Variants in SNX13 observed in about 807,000 individuals in gnomAD.
SNX13 encodes sorting nexin-13.
A neutral mutation model predicts 133.6 loss-of-function variants in SNX13; 45 were observed. That is an observed-to-expected ratio of 0.34 (90% CI 0.27 to 0.43). The LOEUF (loss-of-function observed/expected upper bound fraction) is 0.43, where lower values mean the gene tolerates loss of function less well. SNX13 is among the 20% of genes least tolerant of loss of function. SNX13 has a pLI of 1.00. For synonymous variants in SNX13, 414 were observed against 373.9 expected (o/e 1.11, Z -1.24); for missense variants, 1,032 against 1,145.1 (o/e 0.90, Z 1.43).
At chr7:17,870,573 A>T (rs2128348477) in intron 8 of SNX13, among the ~76,000 whole-genome samples, 1 of 152,310 alleles carries the variant, frequency 6.6e-6, no homozygotes, top group Non-Finnish European at 1.5e-5. Context: ...AACAAGGCAG[A>T]TTTTCATTCA....
At chr7:17,805,250 TGC>T (rs1554304275) in intron 20 of SNX13, among the ~76,000 whole-genome samples, 3,304 of 95,504 alleles carry the variant, frequency 0.035, 81 homozygotes, top group African/African-American at 0.053. Context: ...TGTGTGTGTG[TGC>T]GTGCGCGCGC....
At chr7:17,871,889 G>A (rs527690949) in intron 8 of SNX13, among the ~76,000 whole-genome samples, 28 of 152,196 alleles carry the variant, frequency 1.8e-4, no homozygotes, top group Non-Finnish European at 2.9e-4. Flanking sequence ...CACTACATGC[G>A]AACCTATAAG....
chr7:17,804,431 G>C (rs1784960908), intron 20 of SNX13, among the ~76,000 whole-genome samples: 1 of 152,004 alleles, frequency 6.6e-6, no homozygotes, highest in South Asian at 2.1e-4. Flanking sequence ...GAAGAAATTT[G>C]AAGTTCATTA....
In SNX13 at chr7:17,814,449, T is replaced by C. The variant is rs187399842; in HGVS notation, c.2064+385A>G. ...TTTAAAATATTTTATATAATAATGA[T>C]TTTATTCAAAAGGCATACTTTCAGA... On this transcript the variant is annotated intron_variant, in intron 20 of 25. Transcript: ENST00000428135. 1.6e-4 allele frequency among the ~76,000 whole-genome samples: 24 copies of C among 152,178 alleles called. No individual in the cohort carries two copies. In the East Asian group the frequency reaches 4.6e-3, roughly 29 times the overall value.
chr7:17,807,000 G>T (rs1443693584), intron 20 of SNX13, among the ~76,000 whole-genome samples: 1 of 152,168 alleles, frequency 6.6e-6, no homozygotes, highest in African/African-American at 2.4e-5. Flanking sequence ...GCCACCACGG[G>T]CCTGGGTTTC....
At chr7:17,799,218 G>A in intron 22 of SNX13, 64 bp from the exon 23 acceptor site, 1 of 1,359,506 alleles carries the variant, frequency 7.4e-7, no homozygotes, top group East Asian at 2.5e-5. Flanking sequence ...TGTTACTTTT[G>A]TTGCTTTTAC....
chr7:17,840,768 A>G (rs1209340911), intron 12 of SNX13, among the ~76,000 whole-genome samples: 2 of 152,118 alleles, frequency 1.3e-5, no homozygotes, highest in East Asian at 3.8e-4. Context: ...ATTCAATAAT[A>G]TTTAAAATTC....
intron 1 of SNX13, among the ~76,000 whole-genome samples, chr7:17,930,082 AAAGAATAAAGAATAAGAAT>A (rs1162260022): frequency 3.0e-5 from 1 of 33,134 alleles, no homozygotes; most frequent in East Asian, 4.7e-4. Flanking sequence ...AGAATAAGAA[AAAGAATAAAGAATAAGAAT>A]AAGAATAAAG....
chr7:17,817,835 C>G (rs1463336633), intron 18 of SNX13, among the ~76,000 whole-genome samples: 6 of 152,264 alleles, frequency 3.9e-5, no homozygotes, highest in African/African-American at 1.2e-4. Flanking sequence ...ACTACTGACT[C>G]AATTTTAGAA....
At chr7:17,929,338 T>C (rs915923801) in intron 1 of SNX13, among the ~76,000 whole-genome samples, 9 of 152,104 alleles carry the variant, frequency 5.9e-5, no homozygotes, top group Non-Finnish European at 1.2e-4. Context: ...TTGAGTATAA[T>C]AGTTTATTCT....
rs1783697082 is a variant in SNX13 at position 17,792,961 on chromosome 7, A to G, written c.*1084T>C. 1 of 152,330 alleles carries G rather than the reference A, an allele frequency of 6.6e-6. No individual in the cohort carries two copies. The highest frequency in any genetic ancestry group is 1.5e-5 in the Non-Finnish European group (1 of 67,868). 9.4% of individuals were successfully genotyped at this position (152,330 alleles called of 1,614,324 possible). On this transcript the variant is annotated 3_prime_UTR_variant, in exon 26 of 26. Coordinates refer to ENST00000428135, the MANE Select transcript of SNX13 (RefSeq NM_015132.5). Reference sequence around the variant, plus strand: ...TTTACATTATGTGAAATATAAATAAAAGCATATTTTTAAAAATATTATAGT... The same window carrying G: ...TTTACATTATGTGAAATATAAATAAGAGCATATTTTTAAAAATATTATAGT...
At chr7:17,933,040 G>C (rs1300533458) in intron 1 of SNX13, among the ~76,000 whole-genome samples, 2 of 152,078 alleles carry the variant, frequency 1.3e-5, no homozygotes, top group Non-Finnish European at 2.9e-5. Context: ...ACTCTTGTTT[G>C]GTGAAGAAAT....
Position 17,897,403 on chromosome 7 carries a change from A to G in SNX13, c.56T>C (p.Leu19Pro). 1 of 1,604,460 alleles carries G rather than the reference A, an allele frequency of 6.2e-7. No individual in the cohort carries two copies. Among genetic ancestry groups the G allele is most frequent in the Non-Finnish European group, 8.5e-7 (1 of 1,174,818 alleles). ...IWGWGSLGIVLFLITFGPFVI... is the reference protein window; with the variant it reads ...IWGWGSLGIVPFLITFGPFVI... ...AAAGGGTCCAAAGGTTATCAGAAAA[A>G]GGACAATGCCAAGGCTTCCCCATCC... The change falls in exon 2 of 26, where the codon CTT becomes CCT. Residue 19 changes from leucine to proline, a missense_variant. Transcript: ENST00000428135.
At chr7:17,824,566 A>AT (rs1175010859) in intron 17 of SNX13, among the ~76,000 whole-genome samples, 1 of 152,046 alleles carries the variant, frequency 6.6e-6, no homozygotes, top group Non-Finnish European at 1.5e-5. Flanking sequence ...AGGTAAGGAA[A>AT]TTGAGGTACA....
intron 17 of SNX13, among the ~76,000 whole-genome samples, chr7:17,824,027 A>G (rs1371959395): frequency 6.6e-6 from 1 of 152,162 alleles, no homozygotes; most frequent in Non-Finnish European, 1.5e-5. Flanking sequence ...AATGCAGAAG[A>G]CATCAAGGTA....
intron 1 of SNX13, among the ~76,000 whole-genome samples, chr7:17,933,784 G>C (rs1562547569): frequency 7.7e-6 from 1 of 129,856 alleles, no homozygotes; most frequent in Non-Finnish European, 1.7e-5. Context: ...ACATTCATTA[G>C]TACAAGGAAT....
At chr7:17,938,246 G>A (rs976513788) in intron 1 of SNX13, among the ~76,000 whole-genome samples, 7 of 152,204 alleles carry the variant, frequency 4.6e-5, no homozygotes, top group African/African-American at 1.7e-4. Flanking sequence ...AGACAAGGAA[G>A]TACAATAGCA....
rs1317371839 is a variant in SNX13 at position 17,814,840 on chromosome 7, A to G, written c.2058T>C (p.Ala686=). 6.5e-7 allele frequency: 1 copy of G among 1,538,558 alleles called. No individual in the cohort carries two copies. The highest frequency in any genetic ancestry group is 8.7e-7 in the Non-Finnish European group (1 of 1,147,884). Residue 686 remains alanine (A), a synonymous_variant, in exon 20 of 26, where the codon GCT becomes GCC. Transcript: ENST00000428135. ...CAGTGGTCTGCTTACTTACCTTGCG[A>G]GCAAAATCCCCTTTTCCTTTACTGT... The part of the protein sequence containing the change: ...KAYSKGKGDF[A]RKMDTFVNPL...
chr7:17,801,009 C>CTTATATATATATATAT (rs1289471310), intron 22 of SNX13, among the ~76,000 whole-genome samples: 1 of 120,170 alleles, frequency 8.3e-6, no homozygotes, highest in African/African-American at 2.8e-5. Context: ...TAAAACTGAA[C>CTTATATATATATATAT]ATATATATAT....
Sources: gnomAD v4.1 joint callset for allele counts (sites outside exome capture counted in the v4.1 genomes callset) on GRCh38, gnomAD v4.1.1 for gene constraint, MANE v1.5 for transcripts, NCBI Gene and HGNC (gene_info 2026-07-23, HGNC 2026-07-21) for gene names.